ELAVL2: variants seen among roughly 807,000 people sequenced by gnomAD.
The protein encoded by ELAVL2 is ELAV-like protein 2.
In ELAVL2, 4 loss-of-function variants were observed where a neutral mutation model predicts 34.6. The ratio of observed to expected loss-of-function variants is 0.12; its 90% CI spans 0.06 to 0.26. The LOEUF is 0.26. Among genes scored for constraint, ELAVL2 ranks in the 10% least tolerant of loss-of-function variants. The pLI is 1.00. For synonymous variants in ELAVL2, 193 were observed against 154.8 expected (o/e 1.25, Z -1.83); for missense variants, 432 against 442.8 (o/e 0.98, Z 0.22).
chr9:23,751,367 C>T (rs889819425), intron 2 of ELAVL2, among the ~76,000 whole-genome samples: 2 of 151,996 alleles, frequency 1.3e-5, no homozygotes, highest in African/African-American at 4.8e-5. Flanking sequence ...TGGAAACTGC[C>T]CCCTCCCCCA....
intron 2 of ELAVL2, among the ~76,000 whole-genome samples, chr9:23,753,581 A>C (rs563624493): frequency 6.6e-5 from 10 of 152,304 alleles, no homozygotes; most frequent in African/African-American, 2.4e-4. Flanking sequence ...TTAAAATTCT[A>C]TAAACTACAA....
chr9:23,799,233 T>A (rs2061314166), intron 1 of ELAVL2, among the ~76,000 whole-genome samples: 1 of 152,190 alleles, frequency 6.6e-6, no homozygotes. Flanking sequence ...CTCTCGCCTA[T>A]GACTTCTTAA....
intron 2 of ELAVL2, among the ~76,000 whole-genome samples, chr9:23,747,007 T>C (rs2050668042): frequency 6.6e-6 from 1 of 151,998 alleles, no homozygotes. Context: ...ATTCCCTCCT[T>C]CTCTACCTCC....
chr9:23,791,395 G>C (rs756999041), intron 1 of ELAVL2, among the ~76,000 whole-genome samples: 2 of 152,158 alleles, frequency 1.3e-5, no homozygotes, highest in Non-Finnish European at 2.9e-5. Context: ...ACCCCTGTTA[G>C]AGAACTGAAG....
At chr9:23,792,898 G>A (rs2060491008) in intron 1 of ELAVL2, among the ~76,000 whole-genome samples, 1 of 152,032 alleles carries the variant, frequency 6.6e-6, no homozygotes. Flanking sequence ...GGCCTTCCAA[G>A]TATCTGGGAC....
chr9:23,712,006 A>G (rs2041091385), intron 3 of ELAVL2, among the ~76,000 whole-genome samples: 1 of 152,186 alleles, frequency 6.6e-6, no homozygotes, highest in South Asian at 2.1e-4. Flanking sequence ...ATGAAATTTC[A>G]TTTCTCAAAT....
chr9:23,747,699 A>G (rs963685938), intron 2 of ELAVL2, among the ~76,000 whole-genome samples: 8 of 152,186 alleles, frequency 5.3e-5, no homozygotes, highest in Non-Finnish European at 1.0e-4. Context: ...ATTAAGACTT[A>G]CCCATGAAGT....
intron 2 of ELAVL2, among the ~76,000 whole-genome samples, chr9:23,757,099 C>A (rs921431400): frequency 6.6e-6 from 1 of 152,026 alleles, no homozygotes; most frequent in Non-Finnish European, 1.5e-5. Context: ...TGGGTACCAC[C>A]GGGCTAGAAT....
chr9:23,745,311 A>G (rs1316668664), intron 2 of ELAVL2, among the ~76,000 whole-genome samples: 1 of 152,162 alleles, frequency 6.6e-6, no homozygotes, highest in African/African-American at 2.4e-5. Flanking sequence ...CCAAATTAAG[A>G]TATTATACAA....
intron 1 of ELAVL2, among the ~76,000 whole-genome samples, chr9:23,803,295 G>T (rs1018589262): frequency 1.3e-5 from 2 of 152,100 alleles, no homozygotes; most frequent in African/African-American, 4.8e-5. Context: ...TGTATATTCT[G>T]GTTCTCAGAA....
chr9:23,788,657 A>G (rs2059984621), intron 1 of ELAVL2, among the ~76,000 whole-genome samples: 1 of 152,210 alleles, frequency 6.6e-6, no homozygotes, highest in Non-Finnish European at 1.5e-5. Context: ...GAGCACTTTA[A>G]CATCCTCTCT....
At chr9:23,747,636 C>A (rs967659331) in intron 2 of ELAVL2, among the ~76,000 whole-genome samples, 5 of 152,116 alleles carry the variant, frequency 3.3e-5, no homozygotes, top group Non-Finnish European at 5.9e-5. Context: ...TGGAAACTCC[C>A]TACAAACATG....
intron 3 of ELAVL2, among the ~76,000 whole-genome samples, chr9:23,707,392 T>C (rs567561425): frequency 4.5e-4 from 69 of 152,326 alleles, no homozygotes; most frequent in African/African-American, 9.6e-4. Context: ...GGCTTTTTTT[T>C]CCACAGGAGG....
intron 1 of ELAVL2, among the ~76,000 whole-genome samples, chr9:23,801,346 C>G (rs549853200): frequency 1.3e-5 from 2 of 152,150 alleles, no homozygotes; most frequent in South Asian, 4.1e-4. Flanking sequence ...CAAGGGATTT[C>G]AAAATGAAAA....
chr9:23,771,437 A>T, intron 1 of ELAVL2, among the ~76,000 whole-genome samples: 1 of 152,080 alleles, frequency 6.6e-6, no homozygotes, highest in East Asian at 1.9e-4. Flanking sequence ...AAATCTATAT[A>T]TAGATATATA....
chr9:23,793,840 G>A (rs1450021137), intron 1 of ELAVL2, among the ~76,000 whole-genome samples: 1 of 152,028 alleles, frequency 6.6e-6, no homozygotes, highest in Non-Finnish European at 1.5e-5. Context: ...TCTCCCTACT[G>A]GTTCCAATTT....
At chr9:23,824,259 G>T (rs1195217075) in intron 1 of ELAVL2, among the ~76,000 whole-genome samples, 2 of 152,196 alleles carry the variant, frequency 1.3e-5, no homozygotes, top group Admixed American at 6.5e-5. Context: ...TATAGCTTTC[G>T]TATTAATTCT....
chr9:23,739,117 C>G (rs1461628990), intron 2 of ELAVL2, among the ~76,000 whole-genome samples: 1 of 152,130 alleles, frequency 6.6e-6, no homozygotes, highest in Non-Finnish European at 1.5e-5. Context: ...ATCTTGCATC[C>G]AAGACCAGGA....
At chr9:23,707,574 G>A (rs1403807916) in intron 3 of ELAVL2, among the ~76,000 whole-genome samples, 2 of 152,178 alleles carry the variant, frequency 1.3e-5, no homozygotes, top group African/African-American at 4.8e-5. Context: ...CTCTGCATGA[G>A]ATCAAGTGTC....
Sources: gnomAD v4.1 joint callset for allele counts (sites outside exome capture counted in the v4.1 genomes callset) on GRCh38, gnomAD v4.1.1 for gene constraint, MANE v1.5 for transcripts, NCBI Gene and HGNC (gene_info 2026-07-23, HGNC 2026-07-21) for gene names.